FBXO4: variants seen among roughly 807,000 people sequenced by gnomAD.
FBXO4 encodes the protein F-box only protein 4.
In FBXO4, 36 loss-of-function variants were observed where a neutral mutation model predicts 43.7. The ratio of observed to expected loss-of-function variants is 0.82; its 90% confidence interval spans 0.63 to 1.09. The LOEUF is 1.09. Ranked by LOEUF, FBXO4 falls within the 50% of genes least tolerant of loss-of-function variation. The pLI is 0.00. For synonymous variants in FBXO4, 180 were observed against 165.6 expected, an observed-to-expected ratio of 1.09 and a Z score of -0.67; for missense variants, 435 against 474.1, an observed-to-expected ratio of 0.92 and a Z score of 0.77.
chr5:41,948,001 G>A, the FBXO4 span, among the ~76,000 whole-genome samples: 2 of 152,110 alleles, frequency 1.3e-5, no homozygotes, highest in Non-Finnish European at 2.9e-5. Flanking sequence ...AAGTTCTGTA[G>A]CTGCAATGTC....
chr5:42,029,635 A>AT, the FBXO4 span, among the ~76,000 whole-genome samples: 8 of 151,428 alleles, frequency 5.3e-5, no homozygotes, highest in Non-Finnish European at 7.4e-5. Context: ...GTTTTTATTT[A>AT]TTTTTTTATT....
At chr5:41,936,296 G>C (rs1280540451) in intron 5 of FBXO4, among the ~76,000 whole-genome samples, 1 of 152,166 alleles carries the variant, frequency 6.6e-6, no homozygotes, top group Non-Finnish European at 1.5e-5. Context: ...GCTCTGGGAG[G>C]CCAAGGCGGG....
the FBXO4 span, among the ~76,000 whole-genome samples, chr5:41,960,097 A>G: frequency 6.6e-6 from 1 of 152,004 alleles, no homozygotes; most frequent in East Asian, 1.9e-4. Context: ...ATATATCCCT[A>G]AGTATTTTAT....
At chr5:41,931,958 T>C (rs1751699840) in intron 3 of FBXO4, among the ~76,000 whole-genome samples, 1 of 152,144 alleles carries the variant, frequency 6.6e-6, no homozygotes, top group African/African-American at 2.4e-5. Flanking sequence ...TAAGAGAACA[T>C]GAATCCCACC....
chr5:42,016,064 G>A, the FBXO4 span, among the ~76,000 whole-genome samples: 1 of 152,086 alleles, frequency 6.6e-6, no homozygotes, highest in East Asian at 1.9e-4. Flanking sequence ...ACATTGGGAA[G>A]CACAAAGAAA....
At chr5:42,031,041 T>A in the FBXO4 span, among the ~76,000 whole-genome samples, 2 of 152,146 alleles carry the variant, frequency 1.3e-5, no homozygotes, top group African/African-American at 4.8e-5. Flanking sequence ...ATTGTGGAAG[T>A]CAGTGTGGCA....
the FBXO4 span, among the ~76,000 whole-genome samples, chr5:41,990,070 T>G: frequency 6.6e-6 from 1 of 152,244 alleles, no homozygotes; most frequent in Admixed American, 6.5e-5. Flanking sequence ...AATAATACCA[T>G]CATCATAAAG....
chr5:42,000,290 A>C, the FBXO4 span, among the ~76,000 whole-genome samples: 2 of 152,202 alleles, frequency 1.3e-5, no homozygotes, highest in African/African-American at 4.8e-5. Flanking sequence ...AACATGGGGA[A>C]GGGATAAGGC....
At chr5:42,012,134 A>G in the FBXO4 span, among the ~76,000 whole-genome samples, 3 of 152,328 alleles carry the variant, frequency 2.0e-5, no homozygotes, top group East Asian at 5.8e-4. Flanking sequence ...TGATGGGTTC[A>G]GGAAACCCTA....
In FBXO4 at chr5:41,927,225, T is replaced by G; in HGVS notation, c.402T>G (p.Gly134=). Residue 134 remains glycine (G), a synonymous_variant, in exon 2 of 7, where the codon GGT becomes GGG. Transcript: ENST00000281623. ...LKKPISEVTD[G]AFFDYMAVYR... The stretch of plus-strand genomic sequence containing the variant: ...AGCCTATATCTGAGGTCACTGATGG[T>G]GCATTTTTTGACTACATGGCAGTGT... The G allele has an allele frequency of 1.2e-6, 2 of 1,604,138 alleles. No individual in the cohort carries two copies. The highest frequency in any genetic ancestry group is 1.7e-6 in the Non-Finnish European group (2 of 1,177,306).
chr5:41,963,076 G>T, the FBXO4 span, among the ~76,000 whole-genome samples: 12,078 of 152,014 alleles, frequency 0.079, 689 homozygotes, highest in African/African-American at 0.16. Context: ...GGTTACTGTT[G>T]TTAGGTTGGG....
At chr5:42,029,382 T>C in the FBXO4 span, among the ~76,000 whole-genome samples, 1 of 152,208 alleles carries the variant, frequency 6.6e-6, no homozygotes, top group African/African-American at 2.4e-5. Context: ...CCTTTATCCT[T>C]GATCTTTGGA....
At chr5:41,975,180 C>T in the FBXO4 span, among the ~76,000 whole-genome samples, 1 of 152,206 alleles carries the variant, frequency 6.6e-6, no homozygotes, top group Admixed American at 6.5e-5. Context: ...CACTTAGCTT[C>T]TATTAATTTA....
intron 3 of FBXO4, chr5:41,930,231 C>A: frequency 4.1e-6 from 1 of 245,608 alleles, no homozygotes; most frequent in Non-Finnish European, 7.8e-6. Flanking sequence ...AAAAATTGAG[C>A]ATCTGTGTGG....
chr5:41,994,271 G>C, the FBXO4 span, among the ~76,000 whole-genome samples: 1 of 152,160 alleles, frequency 6.6e-6, no homozygotes, highest in African/African-American at 2.4e-5. Context: ...TGATAAAGAA[G>C]AAAATGAAAT....
chr5:41,951,344 G>C, the FBXO4 span: 1 of 227,544 alleles, frequency 4.4e-6, no homozygotes, highest in Non-Finnish European at 8.5e-6. Flanking sequence ...CCATTCAGTG[G>C]CCTGAGCAGT....
the FBXO4 span, among the ~76,000 whole-genome samples, chr5:42,007,299 A>AT: frequency 6.6e-6 from 1 of 151,968 alleles, no homozygotes. Flanking sequence ...TGATATTTTC[A>AT]TTTTTATCAT....
the FBXO4 span, among the ~76,000 whole-genome samples, chr5:41,984,762 C>T: frequency 2.2e-4 from 33 of 152,260 alleles, 1 homozygote; most frequent in East Asian, 1.9e-4. Flanking sequence ...TCGCCCACCT[C>T]GGCCTCCCAA....
At chr5:41,946,541 C>T (rs1051047986), downstream of FBXO4, among the ~76,000 whole-genome samples, 3 of 152,138 alleles carry the variant, frequency 2.0e-5, no homozygotes, top group Admixed American at 1.3e-4. Context: ...ATTGCAGAAA[C>T]GATCTATTTC....
Sources: gnomAD v4.1 joint callset for allele counts (sites outside exome capture counted in the v4.1 genomes callset) on GRCh38, gnomAD v4.1.1 for gene constraint, MANE v1.5 for transcripts, NCBI Gene and HGNC (gene_info 2026-07-23, HGNC 2026-07-21) for gene names.